Variants in CDKAL1 observed in about 807,000 individuals in gnomAD.
CDKAL1 encodes the protein threonylcarbamoyladenosine tRNA methylthiotransferase.
CDKAL1 carries 32 observed loss-of-function variants against 68.2 expected under a neutral mutation model. The observed-to-expected ratio is 0.47, with a 90% confidence interval of 0.35 to 0.63. The LOEUF (loss-of-function observed/expected upper bound fraction) is 0.63. Among genes scored for constraint, CDKAL1 ranks in the 30% least tolerant of loss-of-function variants. The probability of loss-of-function intolerance (pLI) is 0.00; values close to 1 mark genes in which losing one functional copy is unlikely to be tolerated. For synonymous variants in CDKAL1, 234 were observed against 244.3 expected, an observed-to-expected ratio of 0.96 and a Z score of 0.39; for missense variants, 606 against 696.7, an observed-to-expected ratio of 0.87 and a Z score of 1.47.
intron 7 of CDKAL1, among the ~76,000 whole-genome samples, chr6:20,763,591 G>A (rs1774563884): frequency 6.6e-6 from 1 of 152,134 alleles, no homozygotes; most frequent in African/African-American, 2.4e-5. Flanking sequence ...TTTGATCCCT[G>A]TTGGGCTCTC....
chr6:20,649,377 A>C lies in CDKAL1; in HGVS notation c.371A>C (p.Lys124Thr). 6.5e-7 allele frequency: 1 copy of C among 1,543,674 alleles called. No individual in the cohort carries two copies. The highest frequency in any genetic ancestry group is 1.2e-5 in the South Asian group (1 of 85,752). The change falls in exon 5 of 16, where the codon AAA (lysine) becomes ACA (threonine). Residue 124 changes from lysine (K) to threonine (T), a missense_variant and splice_region_variant. Transcript: ENST00000274695. ...GAAGACCACTTTAGAAACTCAATTAAGTAAGTAGAAATTGATTTTTTCCTA... is the reference window on the plus strand; with the variant it reads ...GAAGACCACTTTAGAAACTCAATTACGTAAGTAGAAATTGATTTTTTCCTA... ...PAEDHFRNSI[K>T]KAQEENKKIV...
intron 10 of CDKAL1, among the ~76,000 whole-genome samples, chr6:20,996,673 A>C (rs908168180): frequency 2.0e-5 from 3 of 152,216 alleles, no homozygotes; most frequent in African/African-American, 7.2e-5. Flanking sequence ...ATACAGTAAT[A>C]ATTTAAAAAG....
intron 12 of CDKAL1, among the ~76,000 whole-genome samples, chr6:21,096,429 G>A (rs962539895): frequency 2.6e-5 from 4 of 152,122 alleles, no homozygotes; most frequent in South Asian, 2.1e-4. Flanking sequence ...GCTCAGCCTC[G>A]CTGAATGTTA....
intron 9 of CDKAL1, among the ~76,000 whole-genome samples, chr6:20,894,204 A>AT (rs5874792): frequency 0.58 from 88,275 of 151,746 alleles, 26,433 homozygotes; most frequent in Non-Finnish European, 0.66. Flanking sequence ...GACCTCAACT[A>AT]TTTAATTCTT....
intron 5 of CDKAL1, among the ~76,000 whole-genome samples, chr6:20,731,212 T>A (rs1298342945): frequency 6.6e-6 from 1 of 152,154 alleles, no homozygotes; most frequent in East Asian, 1.9e-4. Context: ...TGTGAGATGA[T>A]GATATATGAA....
chr6:21,192,310 C>T (rs988635788), intron 13 of CDKAL1, among the ~76,000 whole-genome samples: 1 of 151,916 alleles, frequency 6.6e-6, no homozygotes, highest in Non-Finnish European at 1.5e-5. Context: ...CGTGAGCCAC[C>T]GCGCCCGGCC....
At chr6:21,174,789 T>C (rs933595606) in intron 13 of CDKAL1, among the ~76,000 whole-genome samples, 2 of 152,108 alleles carry the variant, frequency 1.3e-5, no homozygotes, top group South Asian at 4.2e-4. Context: ...TTCAACCTAG[T>C]AATTCCACTT....
In CDKAL1 at chr6:20,938,631, A is replaced by G. The variant is rs9465939; in HGVS notation, c.743-16788A>G. Among the ~76,000 whole-genome samples the G allele has an allele frequency of 5.5e-3, 830 of 152,152 alleles. 10 individuals carry two copies. Among genetic ancestry groups the G allele is most frequent in the African/African-American group, 0.018 (766 of 41,530 alleles). On this transcript the variant is annotated intron_variant, in intron 9 of 15. Coordinates refer to ENST00000274695, the MANE Select transcript of CDKAL1 (RefSeq NM_017774.3). ...TAAGTTAATTGATAGAATCATCTCA[A>G]TTTTCTGTATTTCTCAGGAAACCTT... is the stretch of plus-strand genomic sequence containing the variant.
At chr6:21,090,412 C>A (rs1772936496) in intron 12 of CDKAL1, among the ~76,000 whole-genome samples, 1 of 152,164 alleles carries the variant, frequency 6.6e-6, no homozygotes, top group Non-Finnish European at 1.5e-5. Context: ...GCTTTCCATA[C>A]CTAGCATACA....
chr6:20,898,316 C>T (rs1036790066), intron 9 of CDKAL1, among the ~76,000 whole-genome samples: 11 of 150,904 alleles, frequency 7.3e-5, no homozygotes, highest in Non-Finnish European at 2.9e-5. Flanking sequence ...TGCTCATTCA[C>T]GTCCCTCACC....
chr6:20,950,186 G>T lies in CDKAL1; in HGVS notation c.743-5233G>T, dbSNP rs1021695668. On this transcript the variant is annotated intron_variant, in intron 9 of 15. Transcript: ENST00000274695. ...GGCCGGAGCTATAGTGACTTCCCCT[G>T]GGAACTACAGGTAATTCAACCTCTG... 3.9e-5 allele frequency among the ~76,000 whole-genome samples: 6 copies of T among 152,246 alleles called. No homozygotes were observed. In the East Asian group the frequency reaches 1.2e-3, roughly 29 times the overall value.
chr6:20,749,995 C>G (rs993708356), intron 6 of CDKAL1, among the ~76,000 whole-genome samples: 1 of 152,046 alleles, frequency 6.6e-6, no homozygotes, highest in African/African-American at 2.4e-5. Context: ...CATGAACCAC[C>G]ACACCTGGCC....
At chr6:20,725,228 G>A (rs935305621) in intron 5 of CDKAL1, among the ~76,000 whole-genome samples, 11 of 151,930 alleles carry the variant, frequency 7.2e-5, no homozygotes, top group African/African-American at 2.7e-4. Context: ...TCTTAGGGGA[G>A]GTGAACTAAT....
chr6:21,204,761 C>A (rs146275932), intron 15 of CDKAL1, among the ~76,000 whole-genome samples: 1 of 150,064 alleles, frequency 6.7e-6, no homozygotes, highest in Admixed American at 6.6e-5. Flanking sequence ...CACTTTCAAG[C>A]CTTTGTTTTC....
intron 12 of CDKAL1, among the ~76,000 whole-genome samples, chr6:21,082,869 C>CTT (rs1321615039): frequency 7.9e-6 from 1 of 127,256 alleles, no homozygotes; most frequent in African/African-American, 2.9e-5. Flanking sequence ...ATTTATGTTT[C>CTT]TTTTGTTTTT....
chr6:20,933,716 C>G (rs1250268072), intron 9 of CDKAL1, among the ~76,000 whole-genome samples: 3 of 152,150 alleles, frequency 2.0e-5, no homozygotes, highest in African/African-American at 7.2e-5. Context: ...ATTACACCGT[C>G]CTTATTTTCT....
At position 20,598,420 on chromosome 6, in the gene CDKAL1, T is replaced by C. The variant is rs142816569; in HGVS notation, c.286+49715T>C. On this transcript the variant is annotated intron_variant, in intron 4 of 15. Transcript: ENST00000274695. ...GATTTTGAGGACTGTGTAGTGGTGA[T>C]TGAAAAATAGGTTACAGCCATTTTG... 7.3e-5 allele frequency among the ~76,000 whole-genome samples: 11 copies of C among 149,900 alleles called. No homozygotes were observed. In the East Asian group the frequency reaches 2.1e-3, roughly 29 times the overall value.
At chr6:20,713,291 T>C (rs946403751) in intron 5 of CDKAL1, among the ~76,000 whole-genome samples, 1 of 152,212 alleles carries the variant, frequency 6.6e-6, no homozygotes, top group African/African-American at 2.4e-5. Flanking sequence ...GTTTTTTTCT[T>C]CTAATGAATC....
chr6:21,153,510 A>T (rs555234170), intron 13 of CDKAL1, among the ~76,000 whole-genome samples: 2 of 152,292 alleles, frequency 1.3e-5, no homozygotes, highest in Admixed American at 6.5e-5. Flanking sequence ...CCATATGAGA[A>T]GACGGGTATC....
Sources: gnomAD v4.1 joint callset for allele counts (sites outside exome capture counted in the v4.1 genomes callset) on GRCh38, gnomAD v4.1.1 for gene constraint, MANE v1.5 for transcripts, NCBI Gene and HGNC (gene_info 2026-07-23, HGNC 2026-07-21) for gene names.